The following TAFA5 variants were observed in gnomAD, a reference collection of about 807,000 sequenced individuals.
TAFA5 encodes the protein chemokine-like protein TAFA-5.
TAFA5 carries 6 observed loss-of-function variants against 15.3 expected under a neutral mutation model. That is an observed-to-expected ratio of 0.39 (90% CI 0.21 to 0.77). The LOEUF (loss-of-function observed/expected upper bound fraction) is 0.77. TAFA5 is among the 30% of genes least tolerant of loss of function. The pLI, the probability that TAFA5 is intolerant of heterozygous loss-of-function variation, is 0.41. For synonymous variants in TAFA5, 103 were observed against 80.7 expected (o/e 1.28, Z -1.48); for missense variants, 161 against 193.1 (o/e 0.83, Z 0.98).
At chr22:48,602,293 A>AC (rs1037907404) in intron 1 of TAFA5, among the ~76,000 whole-genome samples, 2 of 151,786 alleles carry the variant, frequency 1.3e-5, no homozygotes, top group Non-Finnish European at 2.9e-5. Flanking sequence ...TTCCGGGGCC[A>AC]CCCCCCCACA....
intron 3 of TAFA5, among the ~76,000 whole-genome samples, chr22:48,713,744 G>C (rs1008300767): frequency 6.6e-6 from 1 of 152,228 alleles, no homozygotes; most frequent in African/African-American, 2.4e-5. Flanking sequence ...TGGATGGCTT[G>C]CCTTGTCCAG....
intron 1 of TAFA5, among the ~76,000 whole-genome samples, chr22:48,553,770 C>T (rs1922937993): frequency 6.6e-6 from 1 of 152,172 alleles, no homozygotes; most frequent in African/African-American, 2.4e-5. Context: ...GCAGCCCTGG[C>T]ATGCCCGGTC....
rs1167586622 is a variant in TAFA5 at position 48,557,582 on chromosome 22, G to A, written c.112+67878G>A. 2.6e-5 allele frequency among the ~76,000 whole-genome samples: 4 copies of A among 152,336 alleles called. No homozygotes were observed. In the East Asian group the frequency reaches 7.7e-4, roughly 29 times the overall value. On this transcript the variant is annotated intron_variant, in intron 1 of 3. Coordinates refer to ENST00000402357, the MANE Select transcript of TAFA5 (RefSeq NM_001082967.3). ...CGGCTCCTTGCAGGAGGCTGAGTGGGAGCCTGGTCTCGCCCAAGCATTGCA... is the reference window on the plus strand; with the variant it reads ...CGGCTCCTTGCAGGAGGCTGAGTGGAAGCCTGGTCTCGCCCAAGCATTGCA...
chr22:48,718,967 A>C (rs1166437210), intron 3 of TAFA5, among the ~76,000 whole-genome samples: 1 of 152,064 alleles, frequency 6.6e-6, no homozygotes, highest in East Asian at 1.9e-4. Flanking sequence ...GTCTGTCCCC[A>C]TGTCCTCCTA....
At chr22:48,515,902 C>T (rs1233486576) in intron 1 of TAFA5, among the ~76,000 whole-genome samples, 1 of 152,008 alleles carries the variant, frequency 6.6e-6, no homozygotes, top group Non-Finnish European at 1.5e-5. Context: ...CCATCAGTCT[C>T]GGTGGGCAGG....
intron 2 of TAFA5, among the ~76,000 whole-genome samples, chr22:48,646,990 C>T (rs558048668): frequency 1.6e-4 from 24 of 152,320 alleles, no homozygotes; most frequent in Non-Finnish European, 2.4e-4. Flanking sequence ...CCCTGCCTTA[C>T]TTGCCTATGT....
intron 1 of TAFA5, among the ~76,000 whole-genome samples, chr22:48,595,662 C>CA (rs1924739386): frequency 6.6e-6 from 1 of 152,274 alleles, no homozygotes; most frequent in South Asian, 2.1e-4. Context: ...ACCTGCCCAT[C>CA]AGGCTGCAGG....
chr22:48,620,601 A>ATCCACCCACCCACCCTCC (rs1555893262), intron 1 of TAFA5, among the ~76,000 whole-genome samples: 2 of 16,778 alleles, frequency 1.2e-4, no homozygotes, highest in African/African-American at 5.9e-4. Flanking sequence ...CCACCCCCCT[A>ATCCACCCACCCACCCTCC]CCCATCCTAT....
chr22:48,558,337 C>A (rs1240469863), intron 1 of TAFA5, among the ~76,000 whole-genome samples: 1 of 152,204 alleles, frequency 6.6e-6, no homozygotes, highest in Non-Finnish European at 1.5e-5. Flanking sequence ...TAGCATTTTA[C>A]ACATAGACAA....
chr22:48,582,537 CACCACAT>C (rs1218530750), intron 1 of TAFA5, among the ~76,000 whole-genome samples: 1 of 150,784 alleles, frequency 6.6e-6, no homozygotes, highest in Non-Finnish European at 1.5e-5. Context: ...ACACAAAATA[CACCACAT>C]ACCACACACA....
chr22:48,542,007 C>T (rs538260585), intron 1 of TAFA5, among the ~76,000 whole-genome samples: 1 of 152,268 alleles, frequency 6.6e-6, no homozygotes, highest in East Asian at 1.9e-4. Context: ...CAATCAGCCG[C>T]TGTGGTTCTT....
chr22:48,489,719 GC>G lies in TAFA5; in HGVS notation c.112+19del. 3.6e-6 allele frequency: 5 copies of G among 1,407,892 alleles called. No homozygotes were observed. The highest frequency in any genetic ancestry group is 3.1e-5 in the East Asian group (1 of 31,964). The allele number at this position is 1,407,892 out of a possible 1,614,324, so 87.2% of individuals were successfully genotyped here. ...CGCCTACTGCAGTGAGTACCGCGCG[GC>G]CCCGGCCCCGGCACGGCCCTCTGGG... On this transcript the variant is annotated intron_variant, in intron 1 of 3. Transcript: ENST00000402357. This position sits in a 1 kb window ranked among gnomAD's most constrained non-coding sequence, Gnocchi z 5.5.
chr22:48,706,066 G>A (rs1052408746), intron 2 of TAFA5, among the ~76,000 whole-genome samples: 2 of 152,364 alleles, frequency 1.3e-5, no homozygotes, highest in South Asian at 2.1e-4. Context: ...GGCCATGGGG[G>A]CCACTCTTGC....
At chr22:48,602,881 G>A (rs544652567) in intron 1 of TAFA5, among the ~76,000 whole-genome samples, 3 of 152,298 alleles carry the variant, frequency 2.0e-5, no homozygotes, top group South Asian at 2.1e-4. Flanking sequence ...CCATTGAGAC[G>A]TGCGGGGCTG....
At chr22:48,523,571 T>A (rs1470330078) in intron 1 of TAFA5, among the ~76,000 whole-genome samples, 2 of 152,130 alleles carry the variant, frequency 1.3e-5, no homozygotes, top group African/African-American at 2.4e-5. Flanking sequence ...TGGTGCCACA[T>A]CCCAGGTGCT....
chr22:48,628,363 G>A (rs945409590), intron 1 of TAFA5, among the ~76,000 whole-genome samples: 2 of 152,268 alleles, frequency 1.3e-5, no homozygotes, highest in Non-Finnish European at 2.9e-5. Flanking sequence ...CCTGGTCATC[G>A]CCCCCTTTGC....
chr22:48,635,161 C>T (rs190392857), intron 1 of TAFA5, among the ~76,000 whole-genome samples: 3 of 152,326 alleles, frequency 2.0e-5, no homozygotes, highest in East Asian at 1.9e-4. Flanking sequence ...AACAGAGCTC[C>T]GTCCACCTAG....
intron 1 of TAFA5, among the ~76,000 whole-genome samples, chr22:48,605,487 G>GGATGGT (rs148735391): frequency 0.13 from 18,795 of 140,014 alleles, 1,317 homozygotes; most frequent in African/African-American, 0.17. Flanking sequence ...GTGGTGGCAG[G>GGATGGT]GATGGTGATG....
At chr22:48,722,249 G>A (rs1929590275) in intron 3 of TAFA5, among the ~76,000 whole-genome samples, 1 of 152,134 alleles carries the variant, frequency 6.6e-6, no homozygotes, top group Non-Finnish European at 1.5e-5. Context: ...GCGTGAGGTG[G>A]TATCTCATTG....
Sources: gnomAD v4.1 joint callset for allele counts (sites outside exome capture counted in the v4.1 genomes callset) on GRCh38, gnomAD v4.1.1 for gene constraint, Gnocchi (gnomAD v3.1) non-coding constraint, MANE v1.5 for transcripts, NCBI Gene and HGNC (gene_info 2026-07-23, HGNC 2026-07-21) for gene names.